The following WDR41 variants were observed in gnomAD, a reference collection of about 807,000 sequenced individuals.
WDR41 encodes the protein WD repeat-containing protein 41.
A neutral mutation model predicts 69.3 loss-of-function variants in WDR41; 63 were observed. The observed-to-expected ratio is 0.91, with a 90% CI of 0.74 to 1.12. The LOEUF is 1.12. WDR41 is among the 50% of genes most tolerant of loss of function. The pLI, the probability that WDR41 is intolerant of heterozygous loss-of-function variation, is 0.00. For synonymous variants in WDR41, 185 were observed against 192.1 expected, an observed-to-expected ratio of 0.96 and a Z score of 0.31; for missense variants, 543 against 534.5, an observed-to-expected ratio of 1.02 and a Z score of -0.16.
chr5:77,612,121 A>T (rs1391760273), intron 1 of WDR41, among the ~76,000 whole-genome samples: 1 of 152,226 alleles, frequency 6.6e-6, no homozygotes, highest in Non-Finnish European at 1.5e-5. Context: ...ATAGACCAAT[A>T]ACAGGCTCTG....
intron 1 of WDR41, among the ~76,000 whole-genome samples, chr5:77,506,886 G>A (rs10473991): frequency 6.6e-6 from 1 of 151,964 alleles, no homozygotes; most frequent in Non-Finnish European, 1.5e-5. Context: ...GGGGCCTGTA[G>A]GGGGTGGGGA....
chr5:77,461,940 C>T (rs1217301594), intron 4 of WDR41, among the ~76,000 whole-genome samples: 2 of 152,084 alleles, frequency 1.3e-5, no homozygotes, highest in Non-Finnish European at 2.9e-5. Flanking sequence ...AAGCCAATTC[C>T]TCATACAGAT....
intron 1 of WDR41, among the ~76,000 whole-genome samples, chr5:77,524,095 C>A (rs1230483690): frequency 2.0e-5 from 3 of 152,172 alleles, no homozygotes; most frequent in African/African-American, 7.2e-5. Flanking sequence ...GTGTTCACAA[C>A]AGGGACAAAA....
intron 1 of WDR41, among the ~76,000 whole-genome samples, chr5:77,522,550 G>T (rs1221236967): frequency 6.6e-6 from 1 of 152,106 alleles, no homozygotes; most frequent in East Asian, 1.9e-4. Context: ...TAAGGTGGGA[G>T]AATCTCTTGA....
chr5:77,582,655 A>G (rs1351093237), intron 1 of WDR41: 3 of 1,601,716 alleles, frequency 1.9e-6, no homozygotes, highest in Non-Finnish European at 2.5e-6. Flanking sequence ...GTTTGTCATC[A>G]GAATCAGAGG....
At chr5:77,467,358 G>C (rs1249843271) in intron 2 of WDR41, among the ~76,000 whole-genome samples, 2 of 151,966 alleles carry the variant, frequency 1.3e-5, no homozygotes, top group Admixed American at 1.3e-4. Context: ...CTAGGAGTTA[G>C]GGAAATGTGA....
At chr5:77,582,801 G>A in intron 1 of WDR41, 2 of 1,601,088 alleles carry the variant, frequency 1.2e-6, no homozygotes, top group Non-Finnish European at 1.7e-6. Flanking sequence ...ATATAGCATG[G>A]GGGTACCCCA....
At chr5:77,596,340 G>C (rs140123692) in intron 1 of WDR41, among the ~76,000 whole-genome samples, 6 of 152,198 alleles carry the variant, frequency 3.9e-5, no homozygotes, top group African/African-American at 1.4e-4. Context: ...TGGAGACGGG[G>C]TTTCACCATG....
At chr5:77,562,744 C>T (rs2112260209) in intron 1 of WDR41, among the ~76,000 whole-genome samples, 1 of 152,258 alleles carries the variant, frequency 6.6e-6, no homozygotes, top group East Asian at 1.9e-4. Flanking sequence ...AAAACAAATA[C>T]AGGTAAATTT....
chr5:77,479,226 C>T (rs35636650), intron 2 of WDR41, among the ~76,000 whole-genome samples: 85,908 of 150,424 alleles, frequency 0.57, 26,635 homozygotes, highest in African/African-American at 0.81. Context: ...AGAATCAGTA[C>T]CGTGAAAATG....
At chr5:77,558,100 AAAAAAAAAAAAAAAAAC>A (rs1365001660) in intron 1 of WDR41, among the ~76,000 whole-genome samples, 3 of 149,582 alleles carry the variant, frequency 2.0e-5, no homozygotes, top group Non-Finnish European at 4.5e-5. Flanking sequence ...TTTTTAAAAA[AAAAAAAAAAAAAAAAAC>A]AAAACAGGAG....
At chr5:77,492,487 G>C (rs55763518), upstream of WDR41, 18,840 of 419,966 alleles carry the variant, frequency 0.045, 675 homozygotes, top group Admixed American at 0.13. Flanking sequence ...CGGCGATTGC[G>C]GGGCGCGCGC....
At chr5:77,476,125 A>C (rs924174725) in intron 2 of WDR41, among the ~76,000 whole-genome samples, 1 of 110,300 alleles carries the variant, frequency 9.1e-6, no homozygotes, top group African/African-American at 4.2e-5. Flanking sequence ...TTAGAGAAAA[A>C]AAGAATAAAA....
chr5:77,436,149 CACCT>C (rs969570194), intron 12 of WDR41, 108 bp downstream of exon 12: 2 of 1,377,702 alleles, frequency 1.5e-6, no homozygotes, highest in Non-Finnish European at 1.9e-6. Context: ...ATCTGACAAA[CACCT>C]ACAGATATAA....
intron 1 of WDR41, among the ~76,000 whole-genome samples, chr5:77,522,120 T>C (rs1489799151): frequency 1.3e-5 from 2 of 152,132 alleles, no homozygotes; most frequent in East Asian, 3.8e-4. Flanking sequence ...GACACTGACT[T>C]TGATATGCTT....
intron 8 of WDR41, among the ~76,000 whole-genome samples, chr5:77,448,588 G>A (rs547151696): frequency 7.9e-5 from 12 of 152,126 alleles, no homozygotes; most frequent in African/African-American, 2.4e-4. Context: ...AAACAAAGCC[G>A]GCCGGGCTTG....
At chr5:77,492,047 G>C (rs1388749053) in intron 1 of WDR41, 123 bp downstream of exon 1, 26 of 1,242,596 alleles carry the variant, frequency 2.1e-5, no homozygotes, top group Non-Finnish European at 2.9e-5. Context: ...CGTGGCACGA[G>C]CTCAGCAGCC....
intron 1 of WDR41, among the ~76,000 whole-genome samples, chr5:77,547,831 G>T (rs529963992): frequency 6.6e-6 from 1 of 151,958 alleles, no homozygotes; most frequent in African/African-American, 2.4e-5. Flanking sequence ...CCAAAGCAAG[G>T]CTAAGCAAAA....
At chr5:77,552,234 C>T (rs1303049624) in intron 1 of WDR41, among the ~76,000 whole-genome samples, 1 of 151,386 alleles carries the variant, frequency 6.6e-6, no homozygotes, top group African/African-American at 2.4e-5. Flanking sequence ...ACATAAAAAT[C>T]AATTATAGTA....
Sources: allele counts gnomAD v4.1 joint callset (sites outside exome capture counted in the v4.1 genomes callset), GRCh38; gene constraint gnomAD v4.1.1; transcripts MANE v1.5; gene names NCBI Gene and HGNC (gene_info 2026-07-23, HGNC 2026-07-21).